Variants in GMEB2 observed in about 807,000 individuals in gnomAD.
GMEB2 encodes glucocorticoid modulatory element binding protein 2.
GMEB2 carries 7 observed loss-of-function variants against 45.7 expected under a neutral mutation model. The observed-to-expected ratio is 0.15, with a 90% CI of 0.09 to 0.29. The LOEUF (loss-of-function observed/expected upper bound fraction) is 0.29. GMEB2 is among the 10% of genes least tolerant of loss of function. The pLI is 1.00. For missense variants in GMEB2, 582 were observed against 739.2 expected, an observed-to-expected ratio of 0.79 and a Z score of 2.47; for synonymous variants, 322 against 323.6, an observed-to-expected ratio of 1.00 and a Z score of 0.05.
chr20:63,594,322 C>G (rs2083175934), intron 6 of GMEB2, among the ~76,000 whole-genome samples: 1 of 152,218 alleles, frequency 6.6e-6, no homozygotes, highest in Admixed American at 6.5e-5. Flanking sequence ...CAGTTCCTTC[C>G]CTGGCAGGCG....
At chr20:63,620,356 T>C (rs1601035207) in intron 1 of GMEB2, among the ~76,000 whole-genome samples, 1 of 151,104 alleles carries the variant, frequency 6.6e-6, no homozygotes, top group Non-Finnish European at 1.5e-5. Context: ...GGCCCAAGAG[T>C]GTGGGGGCTC....
chr20:63,626,242 C>A (rs866838439), intron 1 of GMEB2, among the ~76,000 whole-genome samples: 19 of 151,296 alleles, frequency 1.3e-4, no homozygotes, highest in Middle Eastern at 3.5e-3. Flanking sequence ...CCCTGCGGGT[C>A]GCGTCCCTGC....
chr20:63,603,477 T>A (rs1232048421), intron 3 of GMEB2, among the ~76,000 whole-genome samples: 6 of 152,188 alleles, frequency 3.9e-5, no homozygotes, highest in Admixed American at 1.3e-4. Context: ...ATTTTTGTAA[T>A]CCCAGCACTT....
chr20:63,601,995 C>CT (rs1252904994), intron 4 of GMEB2, among the ~76,000 whole-genome samples: 2 of 151,772 alleles, frequency 1.3e-5, no homozygotes, highest in Non-Finnish European at 2.9e-5. Context: ...GGGCCTGTGG[C>CT]TTCTGTGCAG....
At chr20:63,624,419 ACT>A (rs1346943898) in intron 1 of GMEB2, among the ~76,000 whole-genome samples, 1 of 146,060 alleles carries the variant, frequency 6.8e-6, no homozygotes, top group Non-Finnish European at 1.5e-5. Context: ...ACAGAGCGAG[ACT>A]CTGTCTCAAA....
intron 2 of GMEB2, among the ~76,000 whole-genome samples, chr20:63,611,203 G>C (rs2089567613): frequency 6.6e-6 from 1 of 152,246 alleles, no homozygotes; most frequent in South Asian, 2.1e-4. Context: ...CGTGGGGAGA[G>C]GGCACAGGCT....
chr20:63,598,754 C>G (rs395791), intron 4 of GMEB2, among the ~76,000 whole-genome samples: 136,418 of 152,220 alleles, frequency 0.9, 61,258 homozygotes, highest in East Asian at 1. Flanking sequence ...AGGGAGATCC[C>G]ATAGAAGTCC....
At chr20:63,607,439 A>T (rs1191346432) in intron 2 of GMEB2, among the ~76,000 whole-genome samples, 1 of 10,300 alleles carries the variant, frequency 9.7e-5, no homozygotes, top group African/African-American at 2.0e-4. Context: ...CCCTGACCCC[A>T]CCTCCATTTC....
rs1038191842 is a variant in GMEB2, at chr20:63,599,172, C to T, written c.358-1312G>A. On this transcript the variant is annotated intron_variant, in intron 4 of 9. Transcript: ENST00000370077. Reference sequence around the variant, plus strand: ...GCCGCTCCTGACCCTCCAGCGCTAACGCGGCCCGCTCCTGACCCCCCGGAG... The same window carrying T: ...GCCGCTCCTGACCCTCCAGCGCTAATGCGGCCCGCTCCTGACCCCCCGGAG... 1.1e-3 allele frequency among the ~76,000 whole-genome samples: 163 copies of T among 151,912 alleles called. 1 individual carries two copies. Among genetic ancestry groups the T allele is most frequent in the Admixed American group, 1.8e-3 (27 of 15,272 alleles).
chr20:63,595,282 G>A (rs2083185516), intron 6 of GMEB2, among the ~76,000 whole-genome samples: 1 of 150,020 alleles, frequency 6.7e-6, no homozygotes, highest in Non-Finnish European at 1.5e-5. Flanking sequence ...GGCCGTGGGG[G>A]TGGGAGGGAG....
intron 9 of GMEB2, among the ~76,000 whole-genome samples, chr20:63,591,304 C>A (rs3787111): frequency 0.12 from 17,520 of 152,044 alleles, 1,950 homozygotes; most frequent in East Asian, 0.3. Context: ...ACACTGAATA[C>A]ACACACATTG....
At chr20:63,614,375 A>G (rs2089592811) in intron 2 of GMEB2, among the ~76,000 whole-genome samples, 2 of 152,234 alleles carry the variant, frequency 1.3e-5, no homozygotes, top group African/African-American at 4.8e-5. Context: ...GCCTTCTGTT[A>G]TGCCTGGACA....
intron 1 of GMEB2, among the ~76,000 whole-genome samples, chr20:63,620,471 C>A (rs573130141): frequency 2.0e-5 from 3 of 152,194 alleles, no homozygotes; most frequent in Admixed American, 2.0e-4. Flanking sequence ...GTGGGGGAGG[C>A]GACAAGAGGA....
intron 1 of GMEB2, among the ~76,000 whole-genome samples, chr20:63,622,908 G>C (rs969757196): frequency 6.6e-6 from 1 of 152,248 alleles, no homozygotes; most frequent in African/African-American, 2.4e-5. Context: ...ACTGACGCCA[G>C]CCTGGCCTGG....
intron 2 of GMEB2, among the ~76,000 whole-genome samples, chr20:63,615,173 C>T (rs1022640083): frequency 6.6e-6 from 1 of 152,120 alleles, no homozygotes; most frequent in Non-Finnish European, 1.5e-5. Context: ...AAGGCACCTG[C>T]AGGACATCTG....
In GMEB2 at chr20:63,592,281, G is replaced by A. The variant is rs2083153975; in HGVS notation, c.830-137C>T. 6.0e-6 allele frequency: 5 copies of A among 826,468 alleles called. No individual in the cohort carries two copies. Among genetic ancestry groups the A allele is most frequent in the Non-Finnish European group, 9.4e-6 (5 of 532,312 alleles). The allele number at this position is 826,468 out of a possible 1,614,324, so 51.2% of individuals were successfully genotyped here. A position where few individuals can be genotyped will look rare whatever the true frequency, so the allele number is the denominator to read the frequency against. Reference sequence around the variant, plus strand: ...AGAGCCTGGGCTCTTCCTAGAGAGTGAGAACACCACCACTGAGGCTGCTCC... The same window carrying A: ...AGAGCCTGGGCTCTTCCTAGAGAGTAAGAACACCACCACTGAGGCTGCTCC... On this transcript the variant is annotated intron_variant, in intron 8 of 9. Coordinates refer to ENST00000370077, the MANE Select transcript of GMEB2 (RefSeq NM_012384.5). This position sits in a 1 kb window ranked among gnomAD's most constrained non-coding sequence, Gnocchi z 8.2.
rs752221705 is a variant in GMEB2, at chr20:63,590,597, G to A, written c.1085C>T (p.Ala362Val). ...GGCGGCCGGTCCTGATGTGGCACGT[G>A]CAAGCCGGGGCCGCTTCACAGGCGG... The part of the protein sequence containing the change: ...LPPPVKRPRL[A>V]RATSGPAAMA... Residue 362 changes from alanine to valine, a missense_variant, in exon 10 of 10, where the codon GCA becomes GTA. Physicochemically the swap from Ala to Val is moderately conservative, Grantham distance 64. Around this residue, in one of 3 missense-constraint regions of GMEB2, gnomAD observed 462 missense variants for 586.7 expected, o/e 0.79. Transcript: ENST00000370077. 27 of 1,589,790 alleles carry A rather than the reference G, an allele frequency of 1.7e-5. No individual in the cohort carries two copies. The South Asian group carries it at 2.8e-4, about 17-fold the overall frequency.
At chr20:63,612,657 T>C (rs1170650931) in intron 2 of GMEB2, among the ~76,000 whole-genome samples, 2 of 152,210 alleles carry the variant, frequency 1.3e-5, no homozygotes, top group Non-Finnish European at 2.9e-5. Context: ...GAGGCCCACT[T>C]TCCTCTGCAA....
intron 1 of GMEB2, among the ~76,000 whole-genome samples, chr20:63,620,916 G>C (rs1419150728): frequency 1.3e-5 from 2 of 152,188 alleles, no homozygotes; most frequent in African/African-American, 4.8e-5. Flanking sequence ...CTTGAACGCA[G>C]AATCCAGAGA....
Sources: gnomAD v4.1 joint callset for allele counts (sites outside exome capture counted in the v4.1 genomes callset) on GRCh38, gnomAD v4.1.1 for gene constraint, gnomAD v4.1.1 regional missense constraint, Gnocchi (gnomAD v3.1) non-coding constraint, MANE v1.5 for transcripts, NCBI Gene and HGNC (gene_info 2026-07-23, HGNC 2026-07-21) for gene names.